Variants in FBXL20 observed in about 807,000 individuals in gnomAD.
The protein encoded by FBXL20 is F-box/LRR-repeat protein 20.
Under a neutral mutation model 64.0 loss-of-function variants are expected in FBXL20, and 11 were observed. The ratio of observed to expected loss-of-function variants is 0.17; its 90% CI spans 0.11 to 0.28. FBXL20 has a LOEUF of 0.28. FBXL20 is among the 10% of genes least tolerant of loss of function. The pLI is 1.00. For synonymous variants in FBXL20, 184 were observed against 189.0 expected (o/e 0.97, Z 0.22); for missense variants, 303 against 526.2 (o/e 0.58, Z 4.15).
rs368530587 is a variant in FBXL20 at position 39,289,998 on chromosome 17, CAAAAAAAAAAA to C, written c.399-4436_399-4426del. Among the ~76,000 whole-genome samples, 38 of 41,876 alleles carry C rather than the reference CAAAAAAAAAAA, an allele frequency of 9.1e-4. 1 individual carries two copies. Among genetic ancestry groups the C allele is most frequent in the East Asian group, 6.0e-3 (5 of 830 alleles). The allele number at this position is 41,876 out of a possible 152,430, so 27.5% of individuals were successfully genotyped here. A position where few individuals can be genotyped will look rare whatever the true frequency, so the allele number is the denominator to read the frequency against. ...TGGGCAATAGTGCGAGACTCAGTCT[CAAAAAAAAAAA>C]AAAAAAAAAAAAAAAAAAATTCTAT... is the stretch of plus-strand genomic sequence containing the variant. On this transcript the variant is annotated intron_variant, in intron 6 of 14. Coordinates refer to ENST00000264658, the MANE Select transcript of FBXL20 (RefSeq NM_032875.3).
intron 6 of FBXL20, among the ~76,000 whole-genome samples, chr17:39,288,679 G>GT (rs1271668814): frequency 6.6e-6 from 1 of 151,312 alleles, no homozygotes; most frequent in Non-Finnish European, 1.5e-5. Context: ...GACCTTTTTT[G>GT]TTTTTTTAAG....
At chr17:39,324,008 A>ACCCCCCCCCCCCCCCC (rs138382317) in intron 2 of FBXL20, among the ~76,000 whole-genome samples, 14 of 129,046 alleles carry the variant, frequency 1.1e-4, no homozygotes, top group East Asian at 2.2e-4. Flanking sequence ...TCGTGATCCA[A>ACCCCCCCCCCCCCCCC]CCCCCTCCCC....
At chr17:39,392,547 G>A (rs1285699218) in intron 1 of FBXL20, among the ~76,000 whole-genome samples, 2 of 151,802 alleles carry the variant, frequency 1.3e-5, no homozygotes, top group African/African-American at 2.4e-5. Context: ...TAAAAAAAGG[G>A]CGACATATAC....
chr17:39,294,904 C>G (rs747026149), intron 6 of FBXL20, among the ~76,000 whole-genome samples: 1 of 152,152 alleles, frequency 6.6e-6, no homozygotes, highest in Non-Finnish European at 1.5e-5. Context: ...CCCAGGTACT[C>G]AGGAAGCTGG....
At position 39,301,087 on chromosome 17, in the gene FBXL20, A is replaced by G. The variant is rs772879676; in HGVS notation, c.160-12T>C. ...AGAACATTCCAGGCCTATTTTAAAG[A>G]AAAAGAGACAGAATGAGCAGAAGCT... On this transcript the variant is annotated splice_polypyrimidine_tract_variant and intron_variant, in intron 3 of 14. Coordinates refer to ENST00000264658, the MANE Select transcript of FBXL20 (RefSeq NM_032875.3). 1 of 1,611,710 alleles carries G rather than the reference A, an allele frequency of 6.2e-7. No homozygotes were observed. The highest frequency in any genetic ancestry group is 2.2e-5 in the East Asian group (1 of 44,848).
chr17:39,316,700 G>A (rs2047295606), intron 2 of FBXL20, among the ~76,000 whole-genome samples: 1 of 152,172 alleles, frequency 6.6e-6, no homozygotes, highest in East Asian at 1.9e-4. Flanking sequence ...AAGAAGAATG[G>A]GACGGCTGGG....
chr17:39,309,869 C>T (rs1221208197), intron 2 of FBXL20, among the ~76,000 whole-genome samples: 1 of 150,648 alleles, frequency 6.6e-6, no homozygotes, highest in African/African-American at 2.4e-5. Flanking sequence ...ACAACTTAGG[C>T]CAGGTGTGGT....
At chr17:39,385,900 T>C (rs1005234998) in intron 1 of FBXL20, among the ~76,000 whole-genome samples, 2 of 151,630 alleles carry the variant, frequency 1.3e-5, no homozygotes, top group African/African-American at 2.4e-5. Flanking sequence ...CATGGTGGCG[T>C]GTGCCTGTAG....
Position 39,264,482 on chromosome 17 carries a change from T to G in FBXL20, c.991-95A>C, listed in dbSNP as rs570593411. The G allele has an allele frequency of 2.1e-5, 28 of 1,342,734 alleles. No homozygotes were observed. The East Asian group carries it at 6.6e-4, about 31-fold the overall frequency. 83.2% of individuals were successfully genotyped at this position (1,342,734 alleles called of 1,614,324 possible). A position where few individuals can be genotyped will look rare whatever the true frequency, so the allele number is the denominator to read the frequency against. ...GAATTGGAAAGGAGACATTTTGGTT[T>G]GATTTTGATGAATATGGAGCTGGCA... On this transcript the variant is annotated intron_variant, in intron 13 of 14. Transcript: ENST00000264658.
intron 1 of FBXL20, among the ~76,000 whole-genome samples, chr17:39,384,655 A>G (rs1160938571): frequency 6.6e-6 from 1 of 152,114 alleles, no homozygotes; most frequent in Non-Finnish European, 1.5e-5. Context: ...CATAAAATAT[A>G]GAAATAGATT....
chr17:39,335,159 G>T (rs1385411880), intron 2 of FBXL20, among the ~76,000 whole-genome samples: 1 of 152,106 alleles, frequency 6.6e-6, no homozygotes, highest in African/African-American at 2.4e-5. Context: ...AAAACATGTT[G>T]TTCCTTAAAA....
In FBXL20 at chr17:39,261,247, C is replaced by A; in HGVS notation, c.*213G>T. 1 of 475,384 alleles carries A rather than the reference C, an allele frequency of 2.1e-6. No homozygotes were observed. Among genetic ancestry groups the A allele is most frequent in the South Asian group, 2.4e-5 (1 of 41,606 alleles). 29.4% of individuals were successfully genotyped at this position (475,384 alleles called of 1,614,324 possible). A position where few individuals can be genotyped will look rare whatever the true frequency, so the allele number is the denominator to read the frequency against. ...CCAATCTACTTGATAAAAAAGCCAT[C>A]ACAAACTTCAGTCCCATGGTCACAA... On this transcript the variant is annotated 3_prime_UTR_variant, in exon 15 of 15. Transcript: ENST00000264658.
At chr17:39,360,059 A>C (rs949292300) in intron 1 of FBXL20, among the ~76,000 whole-genome samples, 1 of 152,032 alleles carries the variant, frequency 6.6e-6, no homozygotes, top group East Asian at 1.9e-4. Context: ...ATAAAAACAT[A>C]TATTACATAT....
intron 14 of FBXL20, chr17:39,263,799 A>C (rs2144336648): frequency 6.0e-6 from 1 of 166,420 alleles, no homozygotes; most frequent in East Asian, 1.7e-4. Flanking sequence ...TACAAATTAA[A>C]TTCTTAAATC....
At chr17:39,401,048 G>A (rs1377157541) in intron 1 of FBXL20, among the ~76,000 whole-genome samples, 1 of 152,238 alleles carries the variant, frequency 6.6e-6, no homozygotes, top group Non-Finnish European at 1.5e-5. Flanking sequence ...TGGGTGGAAG[G>A]AGGCAAGCCA....
At chr17:39,285,714 T>A in intron 6 of FBXL20, 141 bp from the exon 7 acceptor site, 1 of 379,772 alleles carries the variant, frequency 2.6e-6, no homozygotes, top group Non-Finnish European at 4.7e-6. Flanking sequence ...CAGTTATATA[T>A]CCTACGACCC....
At chr17:39,393,505 C>G (rs56161258) in intron 1 of FBXL20, among the ~76,000 whole-genome samples, 15,610 of 152,044 alleles carry the variant, frequency 0.1, 854 homozygotes, top group African/African-American at 0.15. Context: ...TCTGTCTTAG[C>G]ACCATAGTAA....
chr17:39,370,056 AG>A (rs2144633021), intron 1 of FBXL20, among the ~76,000 whole-genome samples: 1 of 152,234 alleles, frequency 6.6e-6, no homozygotes, highest in South Asian at 2.1e-4. Flanking sequence ...GGCTTCAGTG[AG>A]CCGTGAACAT....
intron 10 of FBXL20, among the ~76,000 whole-genome samples, chr17:39,273,300 G>A (rs2046863047): frequency 6.6e-6 from 1 of 152,126 alleles, no homozygotes; most frequent in Non-Finnish European, 1.5e-5. Flanking sequence ...ACAGGTGTGA[G>A]CCACTGCGCC....
Sources: gnomAD v4.1 joint callset for allele counts (sites outside exome capture counted in the v4.1 genomes callset) on GRCh38, gnomAD v4.1.1 for gene constraint, MANE v1.5 for transcripts, NCBI Gene and HGNC (gene_info 2026-07-23, HGNC 2026-07-21) for gene names.